Variants in CCSER1 observed in about 807,000 individuals in gnomAD.
CCSER1 encodes coiled-coil serine rich protein 1.
A neutral mutation model predicts 82.0 loss-of-function variants in CCSER1; 41 were observed. The observed-to-expected ratio is 0.50, with a 90% CI of 0.39 to 0.65. The LOEUF is 0.65. CCSER1 is among the 30% of genes least tolerant of loss of function. The probability of loss-of-function intolerance (pLI) is 0.00; values close to 1 mark genes in which losing one functional copy is unlikely to be tolerated. For synonymous variants in CCSER1, 414 were observed against 383.9 expected (o/e 1.08, Z -0.92); for missense variants, 1,119 against 1,064.2 (o/e 1.05, Z -0.72).
intron 8 of CCSER1, among the ~76,000 whole-genome samples, chr4:90,839,499 T>C (rs1561226843): frequency 6.6e-6 from 1 of 152,196 alleles, no homozygotes; most frequent in Non-Finnish European, 1.5e-5. Context: ...TACAGCTTCA[T>C]TGTTGCATCG....
At chr4:91,279,232 TA>T (rs1338007191) in intron 10 of CCSER1, among the ~76,000 whole-genome samples, 1 of 152,158 alleles carries the variant, frequency 6.6e-6, no homozygotes, top group Non-Finnish European at 1.5e-5. Flanking sequence ...AATTTGACTA[TA>T]ATGTCTTGGG....
intron 5 of CCSER1, among the ~76,000 whole-genome samples, chr4:90,494,239 A>C (rs10010235): frequency 0.04 from 6,130 of 152,318 alleles, 195 homozygotes; most frequent in Non-Finnish European, 0.06. Context: ...TATGCACCCA[A>C]TACAGGAGCA....
chr4:91,221,203 T>C (rs1433978351), intron 10 of CCSER1, among the ~76,000 whole-genome samples: 1 of 152,142 alleles, frequency 6.6e-6, no homozygotes, highest in Non-Finnish European at 1.5e-5. Context: ...ATTTGTCTTG[T>C]ATTTTTTCTA....
intron 10 of CCSER1, among the ~76,000 whole-genome samples, chr4:91,367,117 A>AAC (rs1200214904): frequency 5.5e-5 from 8 of 145,292 alleles, no homozygotes; most frequent in Middle Eastern, 7.0e-3. Context: ...AACATGGTGA[A>AAC]ACACCATCTC....
intron 9 of CCSER1, among the ~76,000 whole-genome samples, chr4:91,001,178 TG>T (rs533923311): frequency 4.3e-4 from 66 of 152,334 alleles, no homozygotes; most frequent in Non-Finnish European, 7.8e-4. Flanking sequence ...ATATGGTTTT[TG>T]TTTTTAATTT....
chr4:91,450,894 G>T (rs563023690), intron 10 of CCSER1, among the ~76,000 whole-genome samples: 1 of 152,056 alleles, frequency 6.6e-6, no homozygotes, highest in South Asian at 2.1e-4. Flanking sequence ...AAGCCAGGAT[G>T]GGAAAAAAGT....
chr4:90,276,349 T>A (rs1727806273), intron 1 of CCSER1, among the ~76,000 whole-genome samples: 1 of 123,000 alleles, frequency 8.1e-6, no homozygotes. Flanking sequence ...TCTTTCTTTC[T>A]TTTTTTTTTT....
At chr4:91,336,705 G>A (rs966713266) in intron 10 of CCSER1, among the ~76,000 whole-genome samples, 1 of 151,960 alleles carries the variant, frequency 6.6e-6, no homozygotes, top group Non-Finnish European at 1.5e-5. Context: ...TCTAATTAGA[G>A]TTTATTCTAA....
chr4:90,668,483 A>G (rs765178386), intron 6 of CCSER1, among the ~76,000 whole-genome samples: 1 of 152,170 alleles, frequency 6.6e-6, no homozygotes, highest in African/African-American at 2.4e-5. Flanking sequence ...GCTCATTTTT[A>G]TGCTATGTGA....
At chr4:91,188,608 G>A (rs751523436) in intron 10 of CCSER1, among the ~76,000 whole-genome samples, 32 of 152,206 alleles carry the variant, frequency 2.1e-4, no homozygotes, top group Middle Eastern at 6.8e-3. Context: ...GTGTACCCTG[G>A]AACTTAATGT....
chr4:90,797,387 G>C (rs1195132074), intron 7 of CCSER1, among the ~76,000 whole-genome samples: 2 of 152,086 alleles, frequency 1.3e-5, no homozygotes, highest in Admixed American at 6.5e-5. Flanking sequence ...TGTGAGATTA[G>C]TCTCTTGAAG....
chr4:90,847,237 A>G (rs1763330594), intron 8 of CCSER1, among the ~76,000 whole-genome samples: 2 of 152,324 alleles, frequency 1.3e-5, no homozygotes, highest in East Asian at 3.9e-4. Context: ...GGACATATAT[A>G]TTAGTAAAAA....
At chr4:91,370,481 G>A (rs1173550764) in intron 10 of CCSER1, among the ~76,000 whole-genome samples, 1 of 152,092 alleles carries the variant, frequency 6.6e-6, no homozygotes, top group East Asian at 1.9e-4. Flanking sequence ...TGGATCATGA[G>A]GTCAGGAGTT....
chr4:90,933,950 A>G (rs1730603495), intron 9 of CCSER1, among the ~76,000 whole-genome samples: 1 of 151,840 alleles, frequency 6.6e-6, no homozygotes, highest in Admixed American at 6.6e-5. Flanking sequence ...AATAATAACA[A>G]TGGCACATAT....
intron 9 of CCSER1, among the ~76,000 whole-genome samples, chr4:91,059,100 A>G (rs1393462000): frequency 6.6e-6 from 1 of 151,986 alleles, no homozygotes; most frequent in Non-Finnish European, 1.5e-5. Flanking sequence ...AAAGAATATT[A>G]TGTCACTTTA....
intron 10 of CCSER1, among the ~76,000 whole-genome samples, chr4:91,159,215 T>C (rs755640503): frequency 6.6e-6 from 1 of 152,020 alleles, no homozygotes; most frequent in Non-Finnish European, 1.5e-5. Context: ...ATAATACTAT[T>C]TCTTCTGATT....
chr4:90,544,762 CACTCCCA>C (rs1776551658), intron 5 of CCSER1, among the ~76,000 whole-genome samples: 1 of 152,060 alleles, frequency 6.6e-6, no homozygotes, highest in Non-Finnish European at 1.5e-5. Context: ...CAAGCAAAGG[CACTCCCA>C]TAAGTGCCTT....
At chr4:91,206,323 C>A (rs1018397329) in intron 10 of CCSER1, among the ~76,000 whole-genome samples, 37 of 151,864 alleles carry the variant, frequency 2.4e-4, no homozygotes, top group African/African-American at 8.2e-4. Context: ...AACATCCTGA[C>A]CTCTAATGAA....
intron 4 of CCSER1, among the ~76,000 whole-genome samples, chr4:90,453,824 G>T (rs923807297): frequency 1.3e-5 from 2 of 152,200 alleles, no homozygotes; most frequent in Admixed American, 6.5e-5. Flanking sequence ...AGAAGGGAGT[G>T]CCTGGACTGG....
Sources: gnomAD v4.1 joint callset for allele counts (sites outside exome capture counted in the v4.1 genomes callset) on GRCh38, gnomAD v4.1.1 for gene constraint, MANE v1.5 for transcripts, NCBI Gene and HGNC (gene_info 2026-07-23, HGNC 2026-07-21) for gene names.